Variants in CAMSAP1 observed in about 807,000 individuals in gnomAD.
The protein encoded by CAMSAP1 is calmodulin regulated spectrin associated protein 1.
A neutral mutation model predicts 143.5 loss-of-function variants in CAMSAP1; 58 were observed. The observed-to-expected ratio is 0.40, with a 90% CI of 0.33 to 0.50. The LOEUF (loss-of-function observed/expected upper bound fraction) is 0.50. Ranked by LOEUF, CAMSAP1 falls within the 20% of genes least tolerant of loss-of-function variation. The pLI, the probability that CAMSAP1 is intolerant of heterozygous loss-of-function variation, is 0.45. For missense variants in CAMSAP1, 1,969 were observed against 2,115.7 expected, an observed-to-expected ratio of 0.93 and a Z score of 1.36; for synonymous variants, 945 against 859.3, an observed-to-expected ratio of 1.10 and a Z score of -1.74.
chr9:135,894,453 C>A (rs1838387558), intron 1 of CAMSAP1, among the ~76,000 whole-genome samples: 2 of 152,214 alleles, frequency 1.3e-5, no homozygotes, highest in African/African-American at 2.4e-5. Context: ...AAAACAAACA[C>A]CCAGCCTGGG....
At chr9:135,869,936 A>C (rs554321020) in intron 3 of CAMSAP1, among the ~76,000 whole-genome samples, 44 of 152,346 alleles carry the variant, frequency 2.9e-4, no homozygotes, top group African/African-American at 9.4e-4. Context: ...GGAAGATCAC[A>C]TACTGTATGA....
chr9:135,826,037 A>C lies in CAMSAP1; in HGVS notation c.1224-1157T>G, dbSNP rs1190184184. 2 of 152,238 alleles carry C rather than the reference A, an allele frequency of 1.3e-5. No individual in the cohort carries two copies. The highest frequency in any genetic ancestry group is 2.9e-5 in the Non-Finnish European group (2 of 68,096). The allele number at this position is 152,238 out of a possible 1,614,324, so 9.4% of individuals were successfully genotyped here. On this transcript the variant is annotated intron_variant, in intron 8 of 16. Transcript: ENST00000389532. This position sits in a 1 kb window ranked among gnomAD's most constrained non-coding sequence, Gnocchi z 4.4. ...AGCCTGGACACCGTGGGGACAGTGGACCCATCACGGCACGCCCATGACGTG... is the reference window on the plus strand; with the variant it reads ...AGCCTGGACACCGTGGGGACAGTGGCCCCATCACGGCACGCCCATGACGTG...
intron 7 of CAMSAP1, among the ~76,000 whole-genome samples, chr9:135,832,026 C>T (rs905403532): frequency 1.3e-5 from 2 of 152,082 alleles, no homozygotes; most frequent in African/African-American, 4.8e-5. Context: ...CTTCTTAAAT[C>T]CTTCCAAAAA....
rs1837974813 is a variant in CAMSAP1, at chr9:135,882,031, A to AGGCC, written c.424-241_424-238dup. Among the ~76,000 whole-genome samples, 1 of 152,236 alleles carries AGGCC rather than the reference A, an allele frequency of 6.6e-6. No homozygotes were observed. Among genetic ancestry groups the AGGCC allele is most frequent in the Non-Finnish European group, 1.5e-5 (1 of 68,040 alleles). On this transcript the variant is annotated intron_variant, in intron 2 of 16. Transcript: ENST00000389532. This position sits in a 1 kb window ranked among gnomAD's most constrained non-coding sequence, Gnocchi z 4.9. Reference sequence around the variant, plus strand: ...ACCAGGAGTCCGTTCTCAGGCAGGCAGGCCAGCCCTGTGGCCCACAGTGCA... The same window carrying AGGCC: ...ACCAGGAGTCCGTTCTCAGGCAGGCAGGCCGGCCAGCCCTGTGGCCCACAGTGCA...
intron 7 of CAMSAP1, among the ~76,000 whole-genome samples, chr9:135,844,009 G>A (rs1482569874): frequency 2.0e-5 from 3 of 152,044 alleles, no homozygotes; most frequent in Non-Finnish European, 2.9e-5. Flanking sequence ...ATAATAGTGG[G>A]AGACTTTAAC....
At chr9:135,905,685 G>A (rs1199728770) in intron 1 of CAMSAP1, among the ~76,000 whole-genome samples, 1 of 152,270 alleles carries the variant, frequency 6.6e-6, no homozygotes, top group East Asian at 1.9e-4. Flanking sequence ...AGACATCATT[G>A]GCAAAGGTGT....
chr9:135,904,662 C>G (rs1838716856), intron 1 of CAMSAP1, among the ~76,000 whole-genome samples: 1 of 151,922 alleles, frequency 6.6e-6, no homozygotes. Flanking sequence ...TAAAAGCCCT[C>G]TCTCGGCAAA....
At chr9:135,901,380 A>G (rs909157340) in intron 1 of CAMSAP1, among the ~76,000 whole-genome samples, 3 of 152,174 alleles carry the variant, frequency 2.0e-5, no homozygotes, top group Admixed American at 6.5e-5. Flanking sequence ...GGTGGGTAGG[A>G]GCACTGCTTG....
intron 5 of CAMSAP1, 63 bp downstream of exon 5, chr9:135,862,404 T>C (rs1321711784): frequency 1.3e-5 from 20 of 1,494,846 alleles, no homozygotes; most frequent in Non-Finnish European, 1.6e-5. Context: ...TGTGGATCAA[T>C]GTACACTATA....
chr9:135,903,040 T>G lies in CAMSAP1; in HGVS notation c.160+3960A>C, dbSNP rs190136615. Among the ~76,000 whole-genome samples, 783 of 152,306 alleles carry G rather than the reference T, an allele frequency of 5.1e-3. 3 individuals are homozygous for G. Among genetic ancestry groups the G allele is most frequent in the Middle Eastern group, 0.017 (5 of 294 alleles). On this transcript the variant is annotated intron_variant, in intron 1 of 16. Coordinates refer to ENST00000389532, the MANE Select transcript of CAMSAP1 (RefSeq NM_015447.4). ...GTTTTTTAACATTGTCCTTGAGAGATAATAAAAGCTTGCTCTCCACATTGT... is the reference window on the plus strand; with the variant it reads ...GTTTTTTAACATTGTCCTTGAGAGAGAATAAAAGCTTGCTCTCCACATTGT...
chr9:135,866,661 T>C, intron 3 of CAMSAP1, 125 bp from the exon 4 acceptor site: 2 of 612,294 alleles, frequency 3.3e-6, no homozygotes, highest in East Asian at 2.8e-5. Context: ...TAGGTATTGT[T>C]TAGGCCAATT....
intron 4 of CAMSAP1, among the ~76,000 whole-genome samples, chr9:135,863,609 A>G (rs1837274336): frequency 6.6e-6 from 1 of 152,244 alleles, no homozygotes; most frequent in African/African-American, 2.4e-5. Context: ...TATGTCAATA[A>G]GTACATCATG....
At chr9:135,816,617 G>C (rs1588438960) in intron 14 of CAMSAP1, among the ~76,000 whole-genome samples, 1 of 152,280 alleles carries the variant, frequency 6.6e-6, no homozygotes, top group East Asian at 1.9e-4. Flanking sequence ...CTGACCACCA[G>C]AACAAAAACC....
chr9:135,902,660 G>C (rs1474095551), intron 1 of CAMSAP1, among the ~76,000 whole-genome samples: 1 of 152,242 alleles, frequency 6.6e-6, no homozygotes, highest in Non-Finnish European at 1.5e-5. Flanking sequence ...GCTGGTCCCT[G>C]AGATGGGGAC....
intron 1 of CAMSAP1, among the ~76,000 whole-genome samples, chr9:135,893,363 G>A (rs1838349144): frequency 1.3e-5 from 2 of 149,550 alleles, no homozygotes; most frequent in South Asian, 4.2e-4. Context: ...AGGCAGGAAA[G>A]GCAGGAAGAA....
At position 135,811,656 on chromosome 9, in the gene CAMSAP1, A is replaced by G. The variant is rs1371831992; in HGVS notation, c.4507-45T>C. On this transcript the variant is annotated intron_variant, in intron 16 of 16. Transcript: ENST00000389532. The surrounding 1 kb of genome is among the most constrained non-coding windows in gnomAD (Gnocchi z 4.9). ...GGGAAGAGACAAACACTTCAGGGCC[A>G]CTCCAATTGCCACGAGTTGGGCTCC... The G allele has an allele frequency of 2.6e-6, 4 of 1,531,502 alleles. No individual in the cohort carries two copies. Among genetic ancestry groups the G allele is most frequent in the Non-Finnish European group, 3.5e-6 (4 of 1,132,506 alleles). 94.9% of individuals were successfully genotyped at this position (1,531,502 alleles called of 1,614,324 possible). A position where few individuals can be genotyped will look rare whatever the true frequency, so the allele number is the denominator to read the frequency against.
rs1336200869 is a variant in CAMSAP1, at chr9:135,818,857, G to A, written c.3959+153C>T. Reference sequence around the variant, plus strand: ...TCCTCACTGAAGATCAGCAGGGGCCGTGAAAGTTCGGGGAGGTGGTCCATG... The same window carrying A: ...TCCTCACTGAAGATCAGCAGGGGCCATGAAAGTTCGGGGAGGTGGTCCATG... On this transcript the variant is annotated intron_variant, in intron 12 of 16. Coordinates refer to ENST00000389532, the MANE Select transcript of CAMSAP1 (RefSeq NM_015447.4). The surrounding 1 kb of genome is among the most constrained non-coding windows in gnomAD (Gnocchi z 7.7). 6.6e-6 allele frequency among the ~76,000 whole-genome samples: 1 copy of A among 152,180 alleles called. No individual in the cohort carries two copies. The highest frequency in any genetic ancestry group is 1.5e-5 in the Non-Finnish European group (1 of 68,032).
At chr9:135,827,340 T>C in intron 8 of CAMSAP1, 67 bp downstream of exon 8, 1 of 1,375,004 alleles carries the variant, frequency 7.3e-7, no homozygotes, top group Non-Finnish European at 9.6e-7. Context: ...TCAATTAATA[T>C]TTTAAACTAA....
At chr9:135,848,749 G>T (rs940454648) in intron 7 of CAMSAP1, among the ~76,000 whole-genome samples, 1 of 152,232 alleles carries the variant, frequency 6.6e-6, no homozygotes, top group Non-Finnish European at 1.5e-5. Flanking sequence ...GCACATCTGG[G>T]AGCTTCTTTT....
Sources: gnomAD v4.1 joint callset for allele counts (sites outside exome capture counted in the v4.1 genomes callset) on GRCh38, gnomAD v4.1.1 for gene constraint, Gnocchi (gnomAD v3.1) non-coding constraint, MANE v1.5 for transcripts, NCBI Gene and HGNC (gene_info 2026-07-23, HGNC 2026-07-21) for gene names.